Variants in DDX19B observed in about 807,000 individuals in gnomAD.
DDX19B encodes the protein ATP-dependent RNA helicase DDX19B.
DDX19B carries 27 observed loss-of-function variants against 58.1 expected under a neutral mutation model. That is an observed-to-expected ratio of 0.46 (90% CI 0.34 to 0.64). DDX19B has a LOEUF of 0.64. Ranked by LOEUF, DDX19B falls within the 30% of genes least tolerant of loss-of-function variation. DDX19B has a pLI of 0.01. For synonymous variants in DDX19B, 187 were observed against 214.4 expected (o/e 0.87, Z 1.12); for missense variants, 399 against 596.5 (o/e 0.67, Z 3.45).
chr16:70,289,803 T>A (rs1482113417), upstream of DDX19B: 1 of 395,704 alleles, frequency 2.5e-6, no homozygotes, highest in African/African-American at 2.5e-5. Flanking sequence ...TTGGTTTCCA[T>A]AGGCAAAGTC....
In DDX19B at chr16:70,334,741, C is replaced by CT. The variant is rs1963638176; in HGVS notation, c.*1161dup. ...GTATCACCAAGGCCTTTGCTCCAGC[C>CT]TTACTTGGCATCTTTGCGCAAGATA... On this transcript the variant is annotated 3_prime_UTR_variant, in exon 12 of 12. Coordinates refer to ENST00000288071, the MANE Select transcript of DDX19B (RefSeq NM_007242.7). 6.6e-6 allele frequency: 1 copy of CT among 152,232 alleles called. No individual in the cohort carries two copies. The highest frequency in any genetic ancestry group is 2.4e-5 in the African/African-American group (1 of 41,454). 9.4% of individuals were successfully genotyped at this position (152,232 alleles called of 1,614,324 possible). A position where few individuals can be genotyped will look rare whatever the true frequency, so the allele number is the denominator to read the frequency against.
upstream of DDX19B, among the ~76,000 whole-genome samples, chr16:70,298,170 G>A (rs1046186406): frequency 1.3e-5 from 2 of 152,176 alleles, no homozygotes; most frequent in South Asian, 2.1e-4. Context: ...CACTTTGGGA[G>A]GCCAAGGCAG....
intron 9 of DDX19B, among the ~76,000 whole-genome samples, chr16:70,331,466 A>G (rs1397746493): frequency 6.6e-6 from 1 of 152,236 alleles, no homozygotes; most frequent in Non-Finnish European, 1.5e-5. Context: ...CTAAAATTCT[A>G]TTTGAAAGAA....
chr16:70,329,293 G>C lies in DDX19B; in HGVS notation c.609G>C (p.Leu203Phe). 1 of 1,613,894 alleles carries C rather than the reference G, an allele frequency of 6.2e-7. No homozygotes were observed. Among genetic ancestry groups the C allele is most frequent in the South Asian group, 1.1e-5 (1 of 91,060 alleles). Residue 203 changes from leucine to phenylalanine, a missense_variant and splice_region_variant, in exon 8 of 12, where the codon TTG (leucine) becomes TTC (phenylalanine). Transcript: ENST00000288071. Reference sequence around the variant, plus strand: ...GAAAACATCTTGGGGTCTCCACAGTGGAAAGAGGCCAGAAGATCAGTGAGC... The same window carrying C: ...GAAAACATCTTGGGGTCTCCACAGTCGAAAGAGGCCAGAAGATCAGTGAGC... ...KLAYAVRGNKLERGQKISEQI... is the reference protein window; with the variant it reads ...KLAYAVRGNKFERGQKISEQI...
chr16:70,312,827 TTTTA>T (rs903281878), intron 2 of DDX19B, among the ~76,000 whole-genome samples, 170 bp downstream of exon 2: 5 of 152,150 alleles, frequency 3.3e-5, no homozygotes, highest in South Asian at 2.1e-4. Flanking sequence ...ACCAAAGTGT[TTTTA>T]TTTATTTTTT....
chr16:70,293,033 T>C (rs543391401), upstream of DDX19B, among the ~76,000 whole-genome samples: 7 of 152,122 alleles, frequency 4.6e-5, no homozygotes, highest in Non-Finnish European at 8.8e-5. Flanking sequence ...TGACTCAAGA[T>C]TGTGCCACTG....
At chr16:70,296,471 A>G (rs974646950), upstream of DDX19B, among the ~76,000 whole-genome samples, 2 of 152,010 alleles carry the variant, frequency 1.3e-5, no homozygotes, top group Non-Finnish European at 2.9e-5. Context: ...AAAAGCATAT[A>G]TGGGAGCTTG....
chr16:70,328,522 C>G (rs1471028914), intron 7 of DDX19B, among the ~76,000 whole-genome samples: 2 of 151,670 alleles, frequency 1.3e-5, no homozygotes, highest in African/African-American at 4.8e-5. Flanking sequence ...ACCACCACAC[C>G]CAGCTAATTT....
intron 4 of DDX19B, 54 bp from the exon 5 acceptor site, chr16:70,317,440 TTG>T: frequency 2.2e-6 from 3 of 1,352,356 alleles, no homozygotes; most frequent in Non-Finnish European, 3.1e-6. Context: ...TCCAGATATT[TTG>T]CTGCTTTCCT....
At chr16:70,292,627 G>A (rs988939898), upstream of DDX19B, among the ~76,000 whole-genome samples, 2 of 151,950 alleles carry the variant, frequency 1.3e-5, no homozygotes, top group African/African-American at 4.8e-5. Context: ...GAAACTACTG[G>A]CAAGTTCTTG....
chr16:70,318,281 C>T lies in DDX19B; in HGVS notation c.389+693C>T, dbSNP rs533034401. Among the ~76,000 whole-genome samples the T allele has an allele frequency of 2.4e-4, 36 of 151,140 alleles. No homozygotes were observed. The South Asian group carries it at 6.5e-3, about 27-fold the overall frequency. The stretch of plus-strand genomic sequence containing the variant: ...CCCAGCTACTCGGGAAGCTGAGGCA[C>T]GAGAATCGCTTGAACCCCGGAGGTG... On this transcript the variant is annotated intron_variant, in intron 5 of 11. Transcript: ENST00000288071.
chr16:70,319,576 C>CCTT (rs1555547570), intron 5 of DDX19B: 5 of 145,728 alleles, frequency 3.4e-5, no homozygotes, highest in African/African-American at 1.0e-4. Context: ...TTCTGAATCT[C>CCTT]TTTTTTTTTT....
At chr16:70,299,380 G>C (rs767066125) in intron 1 of DDX19B, 26 bp downstream of exon 1, 3 of 1,592,780 alleles carry the variant, frequency 1.9e-6, no homozygotes, top group South Asian at 2.3e-5. Context: ...CCCTAAAAGG[G>C]TCAGGGGACT....
chr16:70,311,445 C>A (rs1483203920), intron 1 of DDX19B, among the ~76,000 whole-genome samples: 1 of 152,060 alleles, frequency 6.6e-6, no homozygotes, highest in Non-Finnish European at 1.5e-5. Context: ...CATCCAAAGG[C>A]CAAAAATAGA....
At chr16:70,291,787 G>A (rs1317774847), upstream of DDX19B, among the ~76,000 whole-genome samples, 1 of 151,970 alleles carries the variant, frequency 6.6e-6, no homozygotes, top group Non-Finnish European at 1.5e-5. Flanking sequence ...CTCCAGCCTG[G>A]GCCGCAGAGC....
At chr16:70,308,406 T>C (rs572234866) in intron 1 of DDX19B, among the ~76,000 whole-genome samples, 4 of 151,378 alleles carry the variant, frequency 2.6e-5, no homozygotes, top group Non-Finnish European at 4.4e-5. Flanking sequence ...TAATTTTTTT[T>C]ATATTTTTTT....
chr16:70,301,854 C>T (rs1372569588), intron 1 of DDX19B, among the ~76,000 whole-genome samples: 1 of 151,428 alleles, frequency 6.6e-6, no homozygotes, highest in East Asian at 1.9e-4. Context: ...TACAGGTGCG[C>T]ACCACTGCAT....
chr16:70,317,568 G>T lies in DDX19B; in HGVS notation c.369G>T (p.Leu123Phe). Residue 123 changes from leucine to phenylalanine, a missense_variant, in exon 5 of 12, where the codon TTG becomes TTT. Physicochemically the swap from Leu to Phe is conservative, Grantham distance 22 (BLOSUM62 0). Coordinates refer to ENST00000288071, the MANE Select transcript of DDX19B (RefSeq NM_007242.7). ...CATCCAAGATACAAGAGAACGCATT[G>T]CCACTGATGCTTGCTGAGCCGTATG... The part of the protein sequence containing the change: ...NRPSKIQENA[L>F]PLMLAEPPQN... 1 of 1,612,790 alleles carries T rather than the reference G, an allele frequency of 6.2e-7. No individual in the cohort carries two copies. Among genetic ancestry groups the T allele is most frequent in the South Asian group, 1.1e-5 (1 of 90,952 alleles).
chr16:70,315,809 T>A, intron 3 of DDX19B, 160 bp from the exon 4 acceptor site: 2 of 1,052,650 alleles, frequency 1.9e-6, no homozygotes, highest in Non-Finnish European at 2.6e-6. Flanking sequence ...CTTTTTTCTT[T>A]AATAAAACTA....
Sources: allele counts gnomAD v4.1 joint callset (sites outside exome capture counted in the v4.1 genomes callset), GRCh38; gene constraint gnomAD v4.1.1; transcripts MANE v1.5; gene names NCBI Gene and HGNC (gene_info 2026-07-23, HGNC 2026-07-21).